Variants in SLC9B1 observed in about 807,000 individuals in gnomAD.
SLC9B1 encodes sodium/hydrogen exchanger 9B1.
SLC9B1 carries 32 observed loss-of-function variants against 51.7 expected under a neutral mutation model. The ratio of observed to expected loss-of-function variants is 0.62; its 90% CI spans 0.47 to 0.83. The LOEUF (loss-of-function observed/expected upper bound fraction) is 0.83. Among genes scored for constraint, SLC9B1 ranks in the 40% least tolerant of loss-of-function variants. The pLI is 0.00. For synonymous variants in SLC9B1, 145 were observed against 212.7 expected (o/e 0.68, Z 2.77); for missense variants, 406 against 613.2 (o/e 0.66, Z 3.57).
chr4:102,892,973 G>C (rs1056909256), intron 11 of SLC9B1, among the ~76,000 whole-genome samples: 1 of 152,060 alleles, frequency 6.6e-6, no homozygotes, highest in Non-Finnish European at 1.5e-5. Context: ...AAAATAAGAT[G>C]AAGGTAGAAA....
intron 7 of SLC9B1, among the ~76,000 whole-genome samples, chr4:102,931,067 A>T (rs1056295773): frequency 6.6e-6 from 1 of 151,792 alleles, no homozygotes; most frequent in Admixed American, 6.6e-5. Context: ...TACTAAAAAT[A>T]TAAAAAAAAT....
rs542736845 is a variant in SLC9B1 at position 102,919,327 on chromosome 4, C to A, written c.830-7790G>T. Among the ~76,000 whole-genome samples, 3 of 152,304 alleles carry A rather than the reference C, an allele frequency of 2.0e-5. No individual in the cohort carries two copies. In the South Asian group the frequency reaches 6.2e-4, roughly 32 times the overall value. ...TCCCTTTTAAACATAAGTTCCAATTCCAAACCATATTTTTGTGAATGCATA... is the reference window on the plus strand; with the variant it reads ...TCCCTTTTAAACATAAGTTCCAATTACAAACCATATTTTTGTGAATGCATA... On this transcript the variant is annotated intron_variant, in intron 7 of 11. Transcript: ENST00000296422.
downstream of SLC9B1, chr4:102,897,732 G>A (rs1417242115): frequency 3.6e-5 from 17 of 474,980 alleles, no homozygotes; most frequent in Non-Finnish European, 6.7e-5. Context: ...TTAGTAGTAA[G>A]AGACCAGCTT....
intron 10 of SLC9B1, 107 bp from the exon 11 acceptor site, chr4:102,905,757 G>T: frequency 2.1e-6 from 2 of 950,618 alleles, no homozygotes; most frequent in Non-Finnish European, 3.2e-6. Flanking sequence ...TAAGGCTATT[G>T]TCTCTTCATG....
At chr4:102,972,784 C>CA (rs1738831739) in intron 3 of SLC9B1, among the ~76,000 whole-genome samples, 1 of 151,984 alleles carries the variant, frequency 6.6e-6, no homozygotes, top group Admixed American at 6.6e-5. Context: ...TATTATACCT[C>CA]AAAAAAGCTG....
chr4:102,975,062 A>T (rs558025162), intron 3 of SLC9B1, among the ~76,000 whole-genome samples: 1 of 152,330 alleles, frequency 6.6e-6, no homozygotes, highest in African/African-American at 2.4e-5. Flanking sequence ...GAATATTGGC[A>T]TGATCATATA....
In SLC9B1 at chr4:102,963,740, A is replaced by G. The variant is rs567553902; in HGVS notation, c.212-14313T>C. Among the ~76,000 whole-genome samples the G allele has an allele frequency of 1.1e-4, 16 of 152,354 alleles. No homozygotes were observed. In the South Asian group the frequency reaches 3.3e-3, roughly 32 times the overall value. On this transcript the variant is annotated intron_variant, in intron 3 of 11. Transcript: ENST00000296422. ...AATCCTTTTCCCCCAGCCTATTTTT[A>G]TAAATAAAATGTTATAAACTTAAAA...
chr4:102,966,330 G>A, intron 3 of SLC9B1, among the ~76,000 whole-genome samples: 1 of 151,388 alleles, frequency 6.6e-6, no homozygotes, highest in East Asian at 1.9e-4. Flanking sequence ...CTAGGTGGAA[G>A]CCACCATGAC....
intron 3 of SLC9B1, among the ~76,000 whole-genome samples, chr4:102,958,677 C>G (rs1737929059): frequency 6.6e-6 from 1 of 152,126 alleles, no homozygotes; most frequent in African/African-American, 2.4e-5. Flanking sequence ...AATCCCAGCA[C>G]TTTGGGAGGC....
Position 102,906,591 on chromosome 4 carries a change from A to C in SLC9B1, c.1140T>G (p.Leu380=). The C allele has an allele frequency of 6.3e-7, 1 of 1,591,502 alleles. No individual in the cohort carries two copies. The highest frequency in any genetic ancestry group is 1.1e-5 in the South Asian group (1 of 90,224). ...ATACTTCTGCTCCAACTAAACCAAA[A>C]AGAAGTGGTTGAAAAATATCCCATA... ...TTVWDIFQPL[L]FGLVGAEVSV... is the part of the protein sequence containing the mutation. Residue 380 remains leucine (L), a synonymous_variant, in exon 10 of 12, where the codon CTT becomes CTG. Transcript: ENST00000296422.
At chr4:102,996,389 C>T (rs571404401) in intron 1 of SLC9B1, among the ~76,000 whole-genome samples, 45 of 152,054 alleles carry the variant, frequency 3.0e-4, no homozygotes, top group African/African-American at 1.0e-3. Context: ...TTAATTTGGC[C>T]CAATTTATTC....
At chr4:102,970,161 A>G (rs1180507241) in intron 3 of SLC9B1, among the ~76,000 whole-genome samples, 1 of 152,210 alleles carries the variant, frequency 6.6e-6, no homozygotes, top group African/African-American at 2.4e-5. Context: ...CTCCTCGAGA[A>G]GAGCAACCCC....
intron 7 of SLC9B1, among the ~76,000 whole-genome samples, chr4:102,914,411 T>G (rs1037063396): frequency 2.0e-5 from 3 of 152,086 alleles, no homozygotes; most frequent in Non-Finnish European, 2.9e-5. Flanking sequence ...AAAGGCAGAC[T>G]GGTTCCAGGC....
chr4:103,017,426 G>A (rs1421382631), intron 1 of SLC9B1, among the ~76,000 whole-genome samples: 1 of 152,118 alleles, frequency 6.6e-6, no homozygotes, highest in Admixed American at 6.5e-5. Flanking sequence ...TTATTCCATG[G>A]GTAGATTTCC....
chr4:102,928,076 G>T (rs528106088), intron 7 of SLC9B1, among the ~76,000 whole-genome samples: 88 of 152,012 alleles, frequency 5.8e-4, no homozygotes, highest in Non-Finnish European at 1.1e-3. Context: ...GGGCCTGTCG[G>T]GGGGTGGAGG....
At chr4:102,905,910 T>C (rs1735021188) in intron 10 of SLC9B1, among the ~76,000 whole-genome samples, 1 of 152,064 alleles carries the variant, frequency 6.6e-6, no homozygotes, top group South Asian at 2.1e-4. Flanking sequence ...ACTAATAGAC[T>C]TCTTTTGAAT....
intron 6 of SLC9B1, among the ~76,000 whole-genome samples, chr4:102,943,707 C>T (rs1737131287): frequency 2.0e-5 from 3 of 152,022 alleles, no homozygotes; most frequent in Admixed American, 6.6e-5. Flanking sequence ...GATGCAAAAG[C>T]GTAAGAATGA....
chr4:102,976,283 T>C (rs1441257956), intron 3 of SLC9B1, among the ~76,000 whole-genome samples: 2 of 151,998 alleles, frequency 1.3e-5, no homozygotes, highest in African/African-American at 4.8e-5. Flanking sequence ...GCCTACGTAA[T>C]ATTCTAGGTC....
rs1208448417 is a variant in SLC9B1 at position 102,912,009 on chromosome 4, TG to T, written c.830-473del. On this transcript the variant is annotated intron_variant, in intron 7 of 11. Coordinates refer to ENST00000296422, the MANE Select transcript of SLC9B1 (RefSeq NM_139173.4). ...TTAGCTGGGCATGGTGGCACACACC[TG>T]TGGTCCCAGGTACTCGGGAGGCTGA... The T allele has an allele frequency of 1.3e-3, 259 of 198,586 alleles. 1 individual carries two copies. Among genetic ancestry groups the T allele is most frequent in the African/African-American group, 5.7e-3 (240 of 41,828 alleles). 12.3% of individuals were successfully genotyped at this position (198,586 alleles called of 1,614,324 possible).
Sources: gnomAD v4.1 joint callset for allele counts (sites outside exome capture counted in the v4.1 genomes callset) on GRCh38, gnomAD v4.1.1 for gene constraint, MANE v1.5 for transcripts, NCBI Gene and HGNC (gene_info 2026-07-23, HGNC 2026-07-21) for gene names.